Variants in GOLM2 observed in about 807,000 individuals in gnomAD.
GOLM2 encodes golgi membrane protein 2.
GOLM2 carries 26 observed loss-of-function variants against 55.9 expected under a neutral mutation model. The ratio of observed to expected loss-of-function variants is 0.47; its 90% CI spans 0.34 to 0.65. GOLM2 has a LOEUF of 0.65. Ranked by LOEUF, GOLM2 falls within the 30% of genes least tolerant of loss-of-function variation. The pLI, the probability that GOLM2 is intolerant of heterozygous loss-of-function variation, is 0.01. For synonymous variants in GOLM2, 165 were observed against 194.6 expected (o/e 0.85, Z 1.27); for missense variants, 486 against 531.8 (o/e 0.91, Z 0.85).
At chr15:44,397,012 T>C (rs2079530751) in intron 8 of GOLM2, among the ~76,000 whole-genome samples, 1 of 152,168 alleles carries the variant, frequency 6.6e-6, no homozygotes, top group Non-Finnish European at 1.5e-5. Context: ...AAGCGCACAA[T>C]TGAATTTTGC....
At chr15:44,338,914 C>T (rs1206945328) in intron 6 of GOLM2, among the ~76,000 whole-genome samples, 10 of 152,056 alleles carry the variant, frequency 6.6e-5, no homozygotes, top group Non-Finnish European at 1.5e-5. Flanking sequence ...ATTCTAATCC[C>T]CTTCATTTTT....
chr15:44,411,157 G>T (rs1234377503), intron 9 of GOLM2, among the ~76,000 whole-genome samples: 1 of 151,342 alleles, frequency 6.6e-6, no homozygotes, highest in African/African-American at 2.4e-5. Flanking sequence ...GAGTAGCTGG[G>T]ACTACAGGTA....
At chr15:44,330,275 G>A (rs1382877145) in intron 3 of GOLM2, among the ~76,000 whole-genome samples, 4 of 148,746 alleles carry the variant, frequency 2.7e-5, no homozygotes, top group African/African-American at 9.8e-5. Flanking sequence ...CACTTTGGGA[G>A]GCTGAGGCGG....
At chr15:44,362,885 G>A (rs1216996514) in intron 6 of GOLM2, among the ~76,000 whole-genome samples, 2 of 152,070 alleles carry the variant, frequency 1.3e-5, no homozygotes, top group Middle Eastern at 3.2e-3. Flanking sequence ...CAGAAATAAC[G>A]CCGCATATCT....
chr15:44,361,237 A>C (rs1159237052), intron 6 of GOLM2, among the ~76,000 whole-genome samples: 1 of 152,088 alleles, frequency 6.6e-6, no homozygotes, highest in African/African-American at 2.4e-5. Flanking sequence ...GACACAAAAA[A>C]CCCTTCAAAA....
At position 44,293,892 on chromosome 15, in the gene GOLM2, A is replaced by G. The variant is rs147219666; in HGVS notation, c.327+4536A>G. 2.6e-5 allele frequency among the ~76,000 whole-genome samples: 4 copies of G among 152,342 alleles called. No individual in the cohort carries two copies. In the East Asian group the frequency reaches 5.8e-4, roughly 22 times the overall value. On this transcript the variant is annotated intron_variant, in intron 1 of 9. Coordinates refer to ENST00000299957, the MANE Select transcript of GOLM2 (RefSeq NM_138423.4). ...TAAGGACAGAGTATCAACATAAACT[A>G]TATGGAATTCTTCTGCAAAGGAGAT...
At chr15:44,338,035 C>A in intron 5 of GOLM2, 128 bp downstream of exon 5, 1 of 1,021,510 alleles carries the variant, frequency 9.8e-7, no homozygotes. Context: ...TAAGTGTCTG[C>A]ATTGTTTCAA....
intron 6 of GOLM2, among the ~76,000 whole-genome samples, chr15:44,346,389 A>T (rs906264334): frequency 6.6e-6 from 1 of 152,056 alleles, no homozygotes; most frequent in African/African-American, 2.4e-5. Flanking sequence ...TGACTTGGGC[A>T]TTGAAGGTTT....
At chr15:44,372,366 TA>T (rs1427828250) in intron 6 of GOLM2, among the ~76,000 whole-genome samples, 36 of 152,310 alleles carry the variant, frequency 2.4e-4, no homozygotes, top group African/African-American at 8.7e-4. Flanking sequence ...ATTGGAAGTC[TA>T]GACAGTTTTG....
chr15:44,300,740 C>T (rs1218076133), intron 1 of GOLM2, among the ~76,000 whole-genome samples: 1 of 152,202 alleles, frequency 6.6e-6, no homozygotes, highest in East Asian at 1.9e-4. Context: ...CCCATGTTAG[C>T]CTCTTCCTCA....
Position 44,288,733 on chromosome 15 carries a change from G to A in GOLM2, c.-297G>A. On this transcript the variant is annotated 5_prime_UTR_variant, in exon 1 of 10. It adds an upstream start codon to the 5' untranslated region. Coordinates refer to ENST00000299957, the MANE Select transcript of GOLM2 (RefSeq NM_138423.4). Reference sequence around the variant, plus strand: ...CGGTTTTTTTCCCCGCCTCCCAACCGTGAGGTGTTGGGTTTGGGGGACGCT... The same window carrying A: ...CGGTTTTTTTCCCCGCCTCCCAACCATGAGGTGTTGGGTTTGGGGGACGCT... 1.2e-5 allele frequency: 5 copies of A among 423,758 alleles called. No homozygotes were observed. The highest frequency in any genetic ancestry group is 6.3e-4 in the Middle Eastern group (1 of 1,578). 26.2% of individuals were successfully genotyped at this position (423,758 alleles called of 1,614,324 possible).
At chr15:44,342,275 TA>T (rs1359494995) in intron 6 of GOLM2, among the ~76,000 whole-genome samples, 1 of 152,030 alleles carries the variant, frequency 6.6e-6, no homozygotes, top group Non-Finnish European at 1.5e-5. Flanking sequence ...TATTTATTTA[TA>T]TTTTTTGGGA....
intron 6 of GOLM2, among the ~76,000 whole-genome samples, chr15:44,370,579 C>G (rs1432881769): frequency 6.6e-6 from 1 of 152,156 alleles, no homozygotes; most frequent in Non-Finnish European, 1.5e-5. Context: ...GTGGTCCCTA[C>G]TCTTAAACTA....
chr15:44,399,586 G>C (rs2079551604), intron 8 of GOLM2, among the ~76,000 whole-genome samples: 1 of 152,146 alleles, frequency 6.6e-6, no homozygotes, highest in Admixed American at 6.5e-5. Flanking sequence ...TATTATAACA[G>C]GTACAAGTGG....
intron 4 of GOLM2, 129 bp downstream of exon 4, chr15:44,332,207 G>A (rs996085391): frequency 3.7e-6 from 2 of 547,336 alleles, no homozygotes; most frequent in African/African-American, 3.9e-5. Context: ...TTCCAAAAGT[G>A]ATTTACAATG....
Position 44,415,174 on chromosome 15 carries a change from C to G in GOLM2, c.*1768C>G, listed in dbSNP as rs1159096481. Reference sequence around the variant, plus strand: ...GACTAGGAAAAGATGTAGTAGTTTACTAAAATTGTTTTTCTACCATATCAA... The same window carrying G: ...GACTAGGAAAAGATGTAGTAGTTTAGTAAAATTGTTTTTCTACCATATCAA... On this transcript the variant is annotated 3_prime_UTR_variant, in exon 10 of 10. Transcript: ENST00000299957. 1.3e-5 allele frequency: 2 copies of G among 152,540 alleles called. No individual in the cohort carries two copies. The highest frequency in any genetic ancestry group is 4.8e-5 in the African/African-American group (2 of 41,432). The allele number at this position is 152,540 out of a possible 1,614,324, so 9.4% of individuals were successfully genotyped here.
intron 6 of GOLM2, among the ~76,000 whole-genome samples, chr15:44,356,335 A>G (rs755454654): frequency 1.3e-5 from 2 of 152,240 alleles, no homozygotes; most frequent in Non-Finnish European, 2.9e-5. Context: ...ATAAGCCTCT[A>G]GCAAGGCTAA....
Position 44,413,612 on chromosome 15 carries a change from G to C in GOLM2, c.*206G>C, listed in dbSNP as rs917671830. ...GTATTATCAAGGTATAGACTTTTTTGGTTATGATACAGTTAAGCCAAAAAC... is the reference window on the plus strand; with the variant it reads ...GTATTATCAAGGTATAGACTTTTTTCGTTATGATACAGTTAAGCCAAAAAC... On this transcript the variant is annotated 3_prime_UTR_variant, in exon 10 of 10. Transcript: ENST00000299957. 1 of 443,524 alleles carries C rather than the reference G, an allele frequency of 2.3e-6. No individual in the cohort carries two copies. The highest frequency in any genetic ancestry group is 4.1e-6 in the Non-Finnish European group (1 of 245,262). The allele number at this position is 443,524 out of a possible 1,614,324, so 27.5% of individuals were successfully genotyped here.
intron 6 of GOLM2, among the ~76,000 whole-genome samples, chr15:44,370,017 A>G (rs1389953117): frequency 6.6e-6 from 1 of 152,174 alleles, no homozygotes; most frequent in Non-Finnish European, 1.5e-5. Flanking sequence ...GTTTGAGGGC[A>G]GGAAGCATCC....
Sources: allele counts gnomAD v4.1 joint callset (sites outside exome capture counted in the v4.1 genomes callset), GRCh38; gene constraint gnomAD v4.1.1; transcripts MANE v1.5; gene names NCBI Gene and HGNC (gene_info 2026-07-23, HGNC 2026-07-21).